The following NRF1 variants were observed in gnomAD, a reference collection of about 807,000 sequenced individuals.
NRF1 encodes nuclear respiratory factor 1.
A neutral mutation model predicts 58.5 loss-of-function variants in NRF1; 5 were observed. That is an observed-to-expected ratio of 0.09 (90% CI 0.04 to 0.18). NRF1 has a LOEUF of 0.18. Ranked by LOEUF, NRF1 falls within the 10% of genes least tolerant of loss-of-function variation. NRF1 has a pLI of 1.00. For missense variants in NRF1, 288 were observed against 657.7 expected (o/e 0.44, Z 6.15); for synonymous variants, 224 against 246.7 (o/e 0.91, Z 0.86).
chr7:129,727,369 A>G lies in NRF1; in HGVS notation c.1348+4A>G. ...ACTGGAGTCCAAGATGCTAATGGTA[A>G]GAGAGCATAAATATTTTATTAAATT... is the stretch of plus-strand genomic sequence containing the variant. On this transcript the variant is annotated splice_donor_region_variant and intron_variant, in intron 10 of 10. Transcript: ENST00000393232. 6.3e-7 allele frequency: 1 copy of G among 1,584,738 alleles called. No homozygotes were observed. Among genetic ancestry groups the G allele is most frequent in the South Asian group, 1.2e-5 (1 of 84,564 alleles).
rs567938621 is a variant in NRF1, at chr7:129,634,869, G to A, written c.-6-22477G>A. Among the ~76,000 whole-genome samples the A allele has an allele frequency of 1.1e-4, 16 of 152,294 alleles. No individual in the cohort carries two copies. The South Asian group carries it at 2.3e-3, about 22-fold the overall frequency. The stretch of plus-strand genomic sequence containing the variant: ...TTGATGGACTGCTTGCCCTGTGATA[G>A]GATTACAAGTAATTGAGGTCTGTGG... On this transcript the variant is annotated intron_variant, in intron 1 of 10. Transcript: ENST00000393232.
chr7:129,652,392 GC>G (rs1218484232), intron 1 of NRF1, among the ~76,000 whole-genome samples: 1 of 152,102 alleles, frequency 6.6e-6, no homozygotes. Flanking sequence ...TACAACTGAA[GC>G]ACTCAGCTTT....
intron 8 of NRF1, among the ~76,000 whole-genome samples, chr7:129,713,093 C>CT (rs536331873): frequency 0.18 from 22,996 of 130,158 alleles, 2,391 homozygotes; most frequent in East Asian, 0.45. Flanking sequence ...GTTGCGTTTC[C>CT]TTTTTTTTTT....
intron 1 of NRF1, among the ~76,000 whole-genome samples, chr7:129,637,513 A>G (rs1469012093): frequency 6.6e-6 from 1 of 152,208 alleles, no homozygotes; most frequent in Non-Finnish European, 1.5e-5. Context: ...TAAATCTATA[A>G]AGCAGAAATA....
At chr7:129,635,187 A>G (rs542577177) in intron 1 of NRF1, among the ~76,000 whole-genome samples, 156 of 151,802 alleles carry the variant, frequency 1.0e-3, no homozygotes, top group African/African-American at 3.5e-3. Flanking sequence ...TAATTTGACT[A>G]TATAGAATAT....
intron 8 of NRF1, among the ~76,000 whole-genome samples, chr7:129,713,006 A>G (rs150672653): frequency 3.9e-5 from 6 of 152,038 alleles, no homozygotes; most frequent in South Asian, 4.2e-4. Flanking sequence ...TCTTGGTACT[A>G]TTTAAAGAAA....
intron 1 of NRF1, among the ~76,000 whole-genome samples, chr7:129,618,702 GAA>G (rs1356921378): frequency 6.6e-6 from 1 of 152,034 alleles, no homozygotes; most frequent in African/African-American, 2.4e-5. Context: ...CTATAAAAAA[GAA>G]AGAGAAAATA....
intron 1 of NRF1, among the ~76,000 whole-genome samples, chr7:129,614,543 C>T (rs2151052012): frequency 6.6e-6 from 1 of 151,222 alleles, no homozygotes. Context: ...CCTTGAACTC[C>T]TGGGCTCAAG....
At chr7:129,641,894 T>C (rs907304968) in intron 1 of NRF1, 3 of 152,034 alleles carry the variant, frequency 2.0e-5, no homozygotes, top group Non-Finnish European at 2.9e-5. Flanking sequence ...TTAGCCAGGA[T>C]GGTCTCGATC....
At chr7:129,744,130 C>CA in intron 10 of NRF1, 2 of 1,211,580 alleles carry the variant, frequency 1.7e-6, no homozygotes, top group Non-Finnish European at 2.2e-6. Context: ...TTGCCCGGTG[C>CA]TTTTTTTTTT....
intron 9 of NRF1, among the ~76,000 whole-genome samples, chr7:129,720,361 G>T (rs3800602): frequency 6.6e-6 from 1 of 152,122 alleles, no homozygotes; most frequent in Non-Finnish European, 1.5e-5. Context: ...CTTAACATTC[G>T]CTTCTTTGTG....
chr7:129,675,221 C>A (rs1359725058), intron 3 of NRF1, among the ~76,000 whole-genome samples: 1 of 152,200 alleles, frequency 6.6e-6, no homozygotes, highest in Non-Finnish European at 1.5e-5. Flanking sequence ...TCAGGGTCCA[C>A]TTTTAATTCT....
At chr7:129,725,421 G>A (rs1012851197) in intron 9 of NRF1, among the ~76,000 whole-genome samples, 6 of 151,416 alleles carry the variant, frequency 4.0e-5, no homozygotes, top group Non-Finnish European at 8.8e-5. Flanking sequence ...TCCACCTCCC[G>A]GGTTCAAGCA....
rs184803159 is a variant in NRF1, at chr7:129,647,579, A to G, written c.-6-9767A>G. Among the ~76,000 whole-genome samples, 453 of 152,090 alleles carry G rather than the reference A, an allele frequency of 3.0e-3. 3 individuals are homozygous for G. Among genetic ancestry groups the G allele is most frequent in the Middle Eastern group, 6.8e-3 (2 of 294 alleles). ...CCTGGCTAATTTTTGTATTTTTAGT[A>G]GAGATAGGGTTTCACCATGTTGGTC... is the stretch of plus-strand genomic sequence containing the variant. On this transcript the variant is annotated intron_variant, in intron 1 of 10. Transcript: ENST00000393232.
intron 4 of NRF1, among the ~76,000 whole-genome samples, chr7:129,682,774 C>T (rs1432699268): frequency 6.6e-6 from 1 of 151,946 alleles, no homozygotes; most frequent in East Asian, 1.9e-4. Flanking sequence ...TGTGCTCCAG[C>T]CTGGGTGACA....
intron 4 of NRF1, among the ~76,000 whole-genome samples, chr7:129,686,564 T>C (rs1412814113): frequency 1.3e-5 from 2 of 152,252 alleles, no homozygotes; most frequent in Non-Finnish European, 2.9e-5. Context: ...AGTTTTCTTA[T>C]TTGCAAAATG....
intron 10 of NRF1, among the ~76,000 whole-genome samples, chr7:129,742,001 G>A (rs1803856285): frequency 6.6e-6 from 1 of 152,184 alleles, no homozygotes; most frequent in Non-Finnish European, 1.5e-5. Context: ...GGAGGTTGTG[G>A]TTGGAGTCAG....
chr7:129,656,132 A>G (rs2151075086), intron 1 of NRF1, among the ~76,000 whole-genome samples: 1 of 150,280 alleles, frequency 6.7e-6, no homozygotes, highest in African/African-American at 2.4e-5. Flanking sequence ...TTTTTTTTTG[A>G]GGAACTAATA....
chr7:129,636,976 T>C (rs1353983058), intron 1 of NRF1, among the ~76,000 whole-genome samples: 2 of 152,202 alleles, frequency 1.3e-5, no homozygotes, highest in African/African-American at 4.8e-5. Flanking sequence ...CCCCAGTTAC[T>C]GTGTCTATAA....
Sources: allele counts gnomAD v4.1 joint callset (sites outside exome capture counted in the v4.1 genomes callset), GRCh38; gene constraint gnomAD v4.1.1; transcripts MANE v1.5; gene names NCBI Gene and HGNC (gene_info 2026-07-23, HGNC 2026-07-21).